Variants in BTD observed in about 807,000 individuals in gnomAD.
BTD encodes the protein biotinidase.
BTD carries 13 observed loss-of-function variants against 17.7 expected under a neutral mutation model. The ratio of observed to expected loss-of-function variants is 0.74; its 90% CI spans 0.48 to 1.17. BTD has a LOEUF of 1.17. BTD is among the 50% of genes most tolerant of loss of function. The probability of loss-of-function intolerance (pLI) is 0.00; values close to 1 mark genes in which losing one functional copy is unlikely to be tolerated. For synonymous variants in BTD, 240 were observed against 245.2 expected, an observed-to-expected ratio of 0.98 and a Z score of 0.20; for missense variants, 674 against 650.4, an observed-to-expected ratio of 1.04 and a Z score of -0.39.
At chr3:15,672,557 T>A (rs1055689173) in intron 3 of BTD, among the ~76,000 whole-genome samples, 1 of 152,224 alleles carries the variant, frequency 6.6e-6, no homozygotes, top group Non-Finnish European at 1.5e-5. Context: ...TATTTTTAAT[T>A]AAATTTTATT....
Position 15,645,244 on chromosome 3 carries a change from G to A in BTD, c.1328G>A (p.Cys443Tyr), listed in dbSNP as rs397514421. Residue 443 changes from cysteine (C) to tyrosine (Y), a missense_variant, in exon 4 of 4, where the codon TGT becomes TAT. Coordinates refer to ENST00000643237, the MANE Select transcript of BTD (RefSeq NM_001370658.1). ...ATCCAAGTGTGTGCCCTGGTCAGGTGTGGGGGTCTTGGCTTCGACACCTGT... is the reference window on the plus strand; with the variant it reads ...ATCCAAGTGTGTGCCCTGGTCAGGTATGGGGGTCTTGGCTTCGACACCTGT... ...YYIQVCALVR[C>Y]GGLGFDTCGQ... 3 of 1,614,204 alleles carry A rather than the reference G, an allele frequency of 1.9e-6. No homozygotes were observed. The highest frequency in any genetic ancestry group is 1.1e-5 in the South Asian group (1 of 91,082).
At chr3:15,636,140 T>C (rs2065341658) in intron 2 of BTD, among the ~76,000 whole-genome samples, 1 of 152,118 alleles carries the variant, frequency 6.6e-6, no homozygotes, top group African/African-American at 2.4e-5. Context: ...GTTTTAAGGC[T>C]CCCCAGTGCA....
At chr3:15,632,047 G>A (rs528020797) in intron 1 of BTD, among the ~76,000 whole-genome samples, 2 of 152,152 alleles carry the variant, frequency 1.3e-5, no homozygotes, top group South Asian at 2.1e-4. Context: ...GCACCCGCCC[G>A]TGAGGCATGC....
intron 1 of BTD, among the ~76,000 whole-genome samples, chr3:15,620,108 G>T (rs1298775451): frequency 2.0e-5 from 3 of 152,186 alleles, no homozygotes; most frequent in Non-Finnish European, 4.4e-5. Flanking sequence ...ACTGATAATG[G>T]TCTATGTTCA....
At chr3:15,615,799 A>T (rs1176370474) in intron 1 of BTD, among the ~76,000 whole-genome samples, 1 of 152,182 alleles carries the variant, frequency 6.6e-6, no homozygotes, top group African/African-American at 2.4e-5. Context: ...ATTAGGATTC[A>T]CTTCTTTCTC....
At chr3:15,640,358 G>A (rs1183892379) in intron 2 of BTD, among the ~76,000 whole-genome samples, 1 of 151,654 alleles carries the variant, frequency 6.6e-6, no homozygotes, top group East Asian at 1.9e-4. Context: ...ATATGATGTG[G>A]CCCCATTACA....
At chr3:15,696,167 T>C (rs1367998261) in intron 3 of BTD, 1 of 1,591,962 alleles carries the variant, frequency 6.3e-7, no homozygotes, top group Non-Finnish European at 8.6e-7. Context: ...CATAAGCAGC[T>C]GAATAATGAA....
intron 1 of BTD, among the ~76,000 whole-genome samples, chr3:15,609,873 G>T (rs181250778): frequency 8.6e-5 from 13 of 151,312 alleles, no homozygotes; most frequent in Admixed American, 2.6e-4. Context: ...TTGACAACTG[G>T]TCTTCCTTAT....
chr3:15,603,029 T>C (rs1289624204), intron 1 of BTD, among the ~76,000 whole-genome samples: 1 of 152,022 alleles, frequency 6.6e-6, no homozygotes, highest in Non-Finnish European at 1.5e-5. Context: ...AACTGCCCTT[T>C]ATAAAACCAT....
At chr3:15,670,324 C>T (rs901680768) in intron 3 of BTD, 2 of 1,612,852 alleles carry the variant, frequency 1.2e-6, no homozygotes, top group Non-Finnish European at 1.7e-6. Flanking sequence ...TGTATAAGTA[C>T]TCCTGTTCCC....
At chr3:15,602,779 C>G (rs2064308363) in intron 1 of BTD, among the ~76,000 whole-genome samples, 1 of 152,062 alleles carries the variant, frequency 6.6e-6, no homozygotes, top group Admixed American at 6.5e-5. Flanking sequence ...TTCTCAACCC[C>G]TCAACCCCAC....
At chr3:15,657,984 G>A (rs559965308), downstream of BTD, among the ~76,000 whole-genome samples, 84 of 151,986 alleles carry the variant, frequency 5.5e-4, no homozygotes, top group African/African-American at 1.9e-3. Context: ...CCTGGCCAAC[G>A]TGGTGAAAAC....
At chr3:15,667,133 T>C (rs1575046573) in intron 3 of BTD, 1 of 152,180 alleles carries the variant, frequency 6.6e-6, no homozygotes, top group Admixed American at 6.5e-5. Context: ...ACAACTTTGC[T>C]AAAAAGTCAT....
At chr3:15,676,012 TGTACACATATGTGCATGTGCATGCAC>T (rs1475460552) in intron 3 of BTD, 6 of 1,589,638 alleles carry the variant, frequency 3.8e-6, no homozygotes, top group Admixed American at 1.7e-5. Flanking sequence ...ACATGATACA[TGTACACATATGTGCATGTGCATGCAC>T]ATACACATAC....
At chr3:15,674,128 C>G (rs1052864822) in intron 3 of BTD, among the ~76,000 whole-genome samples, 1 of 122,386 alleles carries the variant, frequency 8.2e-6, no homozygotes, top group Non-Finnish European at 1.6e-5. Context: ...GCTATGATCT[C>G]ACCACTGTAC....
chr3:15,689,890 C>T (rs889045647), intron 3 of BTD: 2 of 771,602 alleles, frequency 2.6e-6, no homozygotes, highest in African/African-American at 3.6e-5. Flanking sequence ...GTCAAATAAT[C>T]CATATATGAT....
Position 15,635,302 on chromosome 3 carries a change from T to A in BTD, c.-16-122T>A, listed in dbSNP as rs1305272435. On this transcript the variant is annotated intron_variant, in intron 1 of 3. Transcript: ENST00000643237. The surrounding 1 kb of genome is among the most constrained non-coding windows in gnomAD (Gnocchi z 4.1). ...TATTAGGAACATGAAACAAACTCTT[T>A]GAGCCGCAGTATCACTGCGAGTGAG... The A allele has an allele frequency of 2.8e-6, 4 of 1,448,810 alleles. No individual in the cohort carries two copies. The highest frequency in any genetic ancestry group is 3.8e-6 in the Non-Finnish European group (4 of 1,040,708). The allele number at this position is 1,448,810 out of a possible 1,614,324, so 89.7% of individuals were successfully genotyped here. A position where few individuals can be genotyped will look rare whatever the true frequency, so the allele number is the denominator to read the frequency against.
In BTD at chr3:15,651,741, C is replaced by A. The variant is rs2065808367; in HGVS notation, c.*6253C>A. ...AGTCAGTGTTGGGGAGGTCACAGAACAGAATGGAGAGGGGTAGAGTATGCA... is the reference window on the plus strand; with the variant it reads ...AGTCAGTGTTGGGGAGGTCACAGAAAAGAATGGAGAGGGGTAGAGTATGCA... On this transcript the variant is annotated 3_prime_UTR_variant, in exon 4 of 4. Coordinates refer to ENST00000643237, the MANE Select transcript of BTD (RefSeq NM_001370658.1). Among the ~76,000 whole-genome samples, 1 of 152,264 alleles carries A rather than the reference C, an allele frequency of 6.6e-6. No individual in the cohort carries two copies. Among genetic ancestry groups the A allele is most frequent in the East Asian group, 1.9e-4 (1 of 5,184 alleles).
In BTD at chr3:15,653,448, C is replaced by T. The variant is rs897501741; in HGVS notation, c.*7960C>T. Among the ~76,000 whole-genome samples the T allele has an allele frequency of 1.3e-5, 2 of 152,266 alleles. No individual in the cohort carries two copies. The highest frequency in any genetic ancestry group is 2.9e-5 in the Non-Finnish European group (2 of 68,048). On this transcript the variant is annotated 3_prime_UTR_variant, in exon 4 of 4. Transcript: ENST00000643237. ...ACATAGGACGAGGCTGGAATTCCCACACCTGGACTAATGCACAGCCAGTGT... is the reference window on the plus strand; with the variant it reads ...ACATAGGACGAGGCTGGAATTCCCATACCTGGACTAATGCACAGCCAGTGT...
Sources: gnomAD v4.1 joint callset for allele counts (sites outside exome capture counted in the v4.1 genomes callset) on GRCh38, gnomAD v4.1.1 for gene constraint, Gnocchi (gnomAD v3.1) non-coding constraint, MANE v1.5 for transcripts, NCBI Gene and HGNC (gene_info 2026-07-23, HGNC 2026-07-21) for gene names.